MYH15: variants seen among roughly 807,000 people sequenced by gnomAD.
MYH15 encodes the protein myosin-15.
MYH15 carries 227 observed loss-of-function variants against 240.5 expected under a neutral mutation model. That is an observed-to-expected ratio of 0.94 (90% confidence interval 0.85 to 1.05). The LOEUF (loss-of-function observed/expected upper bound fraction) is 1.05, where lower values mean the gene tolerates loss of function less well. Ranked by LOEUF, MYH15 falls within the 50% of genes least tolerant of loss-of-function variation. The pLI is 0.00. For missense variants in MYH15, 2,217 were observed against 2,247.5 expected, an observed-to-expected ratio of 0.99 and a Z score of 0.27; for synonymous variants, 785 against 796.7, an observed-to-expected ratio of 0.99 and a Z score of 0.25.
At chr3:108,549,801 TA>T in the MYH15 span, 1 of 152,002 alleles carries the variant, frequency 6.6e-6, no homozygotes, top group Non-Finnish European at 1.5e-5. Flanking sequence ...ATTGGAAAGA[TA>T]AATTGATTTT....
chr3:108,382,629 G>A (rs900530273), intron 40 of MYH15, among the ~76,000 whole-genome samples: 6 of 152,154 alleles, frequency 3.9e-5, no homozygotes, highest in African/African-American at 1.4e-4. Flanking sequence ...TCAATATGGA[G>A]TCCAAGAGGG....
upstream of MYH15, among the ~76,000 whole-genome samples, chr3:108,533,578 A>G (rs1004343564): frequency 6.6e-6 from 1 of 152,146 alleles, no homozygotes; most frequent in Non-Finnish European, 1.5e-5. Flanking sequence ...GGAATCTCCA[A>G]TGGGCAAGCA....
At position 108,381,464 on chromosome 3, in the gene MYH15, T is replaced by G; in HGVS notation, c.*81A>C. ...ATTTAAACATGTTTTTAAAAATGTTTCCATGCAACCTAAGTTTTTGGCCAT... is the reference window on the plus strand; with the variant it reads ...ATTTAAACATGTTTTTAAAAATGTTGCCATGCAACCTAAGTTTTTGGCCAT... On this transcript the variant is annotated 3_prime_UTR_variant, in exon 41 of 41. Transcript: ENST00000693548. 6.8e-7 allele frequency: 1 copy of G among 1,478,266 alleles called. No individual in the cohort carries two copies. Among genetic ancestry groups the G allele is most frequent in the Non-Finnish European group, 9.5e-7 (1 of 1,057,250 alleles). 91.6% of individuals were successfully genotyped at this position (1,478,266 alleles called of 1,614,324 possible). A position where few individuals can be genotyped will look rare whatever the true frequency, so the allele number is the denominator to read the frequency against.
intron 27 of MYH15, among the ~76,000 whole-genome samples, chr3:108,426,323 T>C (rs911391760): frequency 6.6e-6 from 1 of 151,860 alleles, no homozygotes; most frequent in Admixed American, 6.5e-5. Flanking sequence ...CCTGAAGGCA[T>C]TTCTGAGACC....
upstream of MYH15, among the ~76,000 whole-genome samples, chr3:108,531,558 C>T (rs543742487): frequency 6.6e-6 from 1 of 152,154 alleles, no homozygotes; most frequent in East Asian, 1.9e-4. Flanking sequence ...AAAGGCAGAT[C>T]ACGAGGTCAG....
At chr3:108,455,996 T>C in intron 19 of MYH15, 137 bp from the exon 20 acceptor site, 1 of 843,484 alleles carries the variant, frequency 1.2e-6, no homozygotes, top group Non-Finnish European at 1.8e-6. Flanking sequence ...ACAAGATTCT[T>C]AGTAACAATA....
intron 1 of MYH15, among the ~76,000 whole-genome samples, chr3:108,515,989 C>T (rs1422119122): frequency 2.0e-5 from 3 of 152,160 alleles, no homozygotes; most frequent in South Asian, 2.1e-4. Context: ...AAATCTATCA[C>T]TCAGCACTCA....
chr3:108,428,171 C>CT (rs2082741658), intron 27 of MYH15, among the ~76,000 whole-genome samples: 1 of 152,190 alleles, frequency 6.6e-6, no homozygotes, highest in African/African-American at 2.4e-5. Flanking sequence ...AAAAGTCATT[C>CT]TTCAAGACAG....
intron 11 of MYH15, among the ~76,000 whole-genome samples, chr3:108,477,676 C>T (rs1319345308): frequency 1.3e-5 from 2 of 152,154 alleles, no homozygotes; most frequent in Non-Finnish European, 2.9e-5. Context: ...GAAGCCAGGA[C>T]ACTTGCCAGC....
At chr3:108,538,870 C>G in the MYH15 span, among the ~76,000 whole-genome samples, 152,071 of 152,288 alleles carry the variant, frequency 1, 75,927 homozygotes, top group Middle Eastern at 1. Flanking sequence ...AACCACATCC[C>G]GTGAGGGTCT....
At chr3:108,418,469 G>A (rs1350279580) in intron 28 of MYH15, among the ~76,000 whole-genome samples, 1 of 152,072 alleles carries the variant, frequency 6.6e-6, no homozygotes, top group African/African-American at 2.4e-5. Context: ...TTTAATCATC[G>A]TTGCTTTTGC....
chr3:108,480,847 G>C (rs559584792), intron 11 of MYH15, among the ~76,000 whole-genome samples: 1 of 152,288 alleles, frequency 6.6e-6, no homozygotes, highest in Admixed American at 6.5e-5. Context: ...TCAAGAAAGA[G>C]GCAAAGGCTA....
At chr3:108,427,800 A>T (rs1232488562) in intron 27 of MYH15, among the ~76,000 whole-genome samples, 1 of 152,192 alleles carries the variant, frequency 6.6e-6, no homozygotes, top group Non-Finnish European at 1.5e-5. Context: ...CTTTATTGTC[A>T]GGCCATGTCT....
chr3:108,517,583 T>A (rs2083583877), intron 1 of MYH15, among the ~76,000 whole-genome samples: 2 of 151,984 alleles, frequency 1.3e-5, no homozygotes, highest in South Asian at 4.2e-4. Context: ...TCCACCCACC[T>A]CGACTTCCCA....
chr3:108,529,019 C>G (rs1250815727), intron 1 of MYH15, among the ~76,000 whole-genome samples: 4 of 152,142 alleles, frequency 2.6e-5, no homozygotes, highest in African/African-American at 9.7e-5. Flanking sequence ...GGACTGGACA[C>G]AAGAGCACAC....
chr3:108,464,881 A>G, intron 14 of MYH15, 67 bp from the exon 15 acceptor site: 1 of 1,399,032 alleles, frequency 7.1e-7, no homozygotes, highest in Non-Finnish European at 9.6e-7. Context: ...GGGGGTCAGT[A>G]TAAATTCTTT....
In MYH15 at chr3:108,430,864, C is replaced by A. The variant is rs756842073; in HGVS notation, c.3280G>T (p.Ala1094Ser). ...TCTTTAACCGTCTTCTGAAGCTGAGCTACCAGGCCTTTCTCATTCTCCACT... is the reference window on the plus strand; with the variant it reads ...TCTTTAACCGTCTTCTGAAGCTGAGATACCAGGCCTTTCTCATTCTCCACT... Reference protein sequence around the residue: ...SKVENEKGLVAQLQKTVKELQ... With the variant: ...SKVENEKGLVSQLQKTVKELQ... Residue 1094 changes from alanine to serine, a missense_variant, in exon 26 of 41, where the codon GCT (alanine) becomes TCT (serine). Coordinates refer to ENST00000693548, the MANE Select transcript of MYH15 (RefSeq NM_014981.3). 1 of 1,612,522 alleles carries A rather than the reference C, an allele frequency of 6.2e-7. No homozygotes were observed. Among genetic ancestry groups the A allele is most frequent in the South Asian group, 1.1e-5 (1 of 91,066 alleles).
At chr3:108,537,346 C>T in the MYH15 span, among the ~76,000 whole-genome samples, 1 of 152,114 alleles carries the variant, frequency 6.6e-6, no homozygotes, top group East Asian at 1.9e-4. Flanking sequence ...ATCATTCTAC[C>T]CCTCAGAAAT....
At chr3:108,489,908 G>A (rs1302485346) in intron 9 of MYH15, among the ~76,000 whole-genome samples, 1 of 152,188 alleles carries the variant, frequency 6.6e-6, no homozygotes, top group Non-Finnish European at 1.5e-5. Flanking sequence ...ACTTTGCACA[G>A]TAATCAATCT....
Sources: gnomAD v4.1 joint callset for allele counts (sites outside exome capture counted in the v4.1 genomes callset) on GRCh38, gnomAD v4.1.1 for gene constraint, MANE v1.5 for transcripts, NCBI Gene and HGNC (gene_info 2026-07-23, HGNC 2026-07-21) for gene names.